Variants in RP9 observed in about 807,000 individuals in gnomAD.
RP9 encodes the protein RP9 pre-mRNA splicing factor.
A neutral mutation model predicts 32.6 loss-of-function variants in RP9; 23 were observed. The observed-to-expected ratio is 0.71, with a 90% confidence interval of 0.51 to 1.00. The LOEUF is 1.00. Ranked by LOEUF, RP9 falls within the 50% of genes least tolerant of loss-of-function variation. The probability of loss-of-function intolerance (pLI) is 0.00; values close to 1 mark genes in which losing one functional copy is unlikely to be tolerated. For synonymous variants in RP9, 94 were observed against 103.6 expected (o/e 0.91, Z 0.56); for missense variants, 245 against 285.3 (o/e 0.86, Z 1.02).
At chr7:33,100,814 A>T in intron 1 of RP9, 1 of 642,274 alleles carries the variant, frequency 1.6e-6, no homozygotes, top group Non-Finnish European at 2.9e-6. Context: ...GAGGAGACCC[A>T]GAATGCTGAG....
chr7:33,106,265 T>G (rs1319109390), intron 1 of RP9, among the ~76,000 whole-genome samples: 3 of 151,984 alleles, frequency 2.0e-5, no homozygotes, highest in East Asian at 3.9e-4. Context: ...CCTCCCAGGC[T>G]CAAGCAGATC....
intron 1 of RP9, among the ~76,000 whole-genome samples, chr7:33,104,337 A>G (rs1317590315): frequency 6.6e-6 from 1 of 152,158 alleles, no homozygotes; most frequent in Non-Finnish European, 1.5e-5. Flanking sequence ...TGAGCATCAG[A>G]AAAAATAACT....
At chr7:33,107,619 GA>G (rs1379799640) in intron 1 of RP9, among the ~76,000 whole-genome samples, 1 of 152,166 alleles carries the variant, frequency 6.6e-6, no homozygotes, top group Non-Finnish European at 1.5e-5. Flanking sequence ...CTGCTAAGGG[GA>G]AAAGTCGTTC....
rs745693022 is a variant in RP9, at chr7:33,100,563, T to C, written c.153-2A>G. Reference sequence around the variant, plus strand: ...AGCCCAGGAGGAGGTTTTTCGTAACTGGAAAACAAAAAACAAAACCTTATC... The same window carrying C: ...AGCCCAGGAGGAGGTTTTTCGTAACCGGAAAACAAAAAACAAAACCTTATC... On this transcript the variant is annotated splice_acceptor_variant, in intron 1 of 5. Coordinates refer to ENST00000297157, the MANE Select transcript of RP9 (RefSeq NM_203288.2). LOFTEE classifies it high-confidence loss of function. The C allele has an allele frequency of 6.2e-7, 1 of 1,613,148 alleles. No homozygotes were observed. Among genetic ancestry groups the C allele is most frequent in the Non-Finnish European group, 8.5e-7 (1 of 1,179,114 alleles).
intron 1 of RP9, among the ~76,000 whole-genome samples, chr7:33,104,765 G>C (rs950095890): frequency 2.0e-5 from 3 of 152,100 alleles, no homozygotes; most frequent in African/African-American, 7.2e-5. Context: ...ATTTTTTGTA[G>C]AGACAGGGTC....
At chr7:33,099,146 G>C in intron 3 of RP9, 161 bp downstream of exon 3, 1 of 798,830 alleles carries the variant, frequency 1.3e-6, no homozygotes. Context: ...ACATGGCACG[G>C]TGGTGGGGGG....
chr7:33,105,861 C>T (rs1197376070), intron 1 of RP9, among the ~76,000 whole-genome samples: 3 of 152,184 alleles, frequency 2.0e-5, no homozygotes, highest in Non-Finnish European at 4.4e-5. Flanking sequence ...CCTTTGTCAA[C>T]GTTCCCATGT....
chr7:33,100,482 C>G, intron 2 of RP9, 49 bp downstream of exon 2: 1 of 1,467,744 alleles, frequency 6.8e-7, no homozygotes, highest in Non-Finnish European at 9.6e-7. Context: ...GTTACTGAGT[C>G]TACAAGTATG....
At chr7:33,106,953 AAAC>A (rs1258489907) in intron 1 of RP9, among the ~76,000 whole-genome samples, 1 of 152,106 alleles carries the variant, frequency 6.6e-6, no homozygotes, top group Non-Finnish European at 1.5e-5. Flanking sequence ...CAAAAAAAAA[AAAC>A]AAAAACCAAA....
Position 33,099,530 on chromosome 7 carries a change from C to A in RP9, c.184-94G>T, listed in dbSNP as rs1365669240. 7.2e-6 allele frequency: 10 copies of A among 1,396,958 alleles called. No homozygotes were observed. In the Middle Eastern group the frequency reaches 5.3e-4, roughly 74 times the overall value. The allele number at this position is 1,396,958 out of a possible 1,614,324, so 86.5% of individuals were successfully genotyped here. Reference sequence around the variant, plus strand: ...CACCCTTGCCTGGCTTTTTCCTGGGCTTCCGGTGCCAACATCATCTTAGTT... The same window carrying A: ...CACCCTTGCCTGGCTTTTTCCTGGGATTCCGGTGCCAACATCATCTTAGTT... On this transcript the variant is annotated intron_variant, in intron 2 of 5. Coordinates refer to ENST00000297157, the MANE Select transcript of RP9 (RefSeq NM_203288.2).
At chr7:33,099,838 G>A (rs1353098052) in intron 2 of RP9, among the ~76,000 whole-genome samples, 1 of 152,068 alleles carries the variant, frequency 6.6e-6, no homozygotes, top group African/African-American at 2.4e-5. Flanking sequence ...ATTATACCCT[G>A]AAGGCCCTGT....
intron 2 of RP9, chr7:33,100,303 G>T: frequency 5.1e-6 from 3 of 593,354 alleles, no homozygotes; most frequent in Non-Finnish European, 9.1e-6. Context: ...AGGAATCCAC[G>T]TGGGCCTGCA....
Position 33,109,223 on chromosome 7 carries a change from G to T in RP9, c.150C>A (p.Ser50=). 2 of 1,497,652 alleles carry T rather than the reference G, an allele frequency of 1.3e-6. No homozygotes were observed. The highest frequency in any genetic ancestry group is 1.8e-6 in the Non-Finnish European group (2 of 1,125,718). The allele number at this position is 1,497,652 out of a possible 1,614,324, so 92.8% of individuals were successfully genotyped here. ...GCGGACGGCAGCTCGGGACTCACAA[G>T]GACTCCAGGTGCTTGAGCTGCTGCA... The part of the protein sequence containing the change: ...QQLQQLKHLE[S]FYEKPPPGLI... Residue 50 remains serine, a splice_region_variant and synonymous_variant, in exon 1 of 6, where the codon TCC becomes TCA. Coordinates refer to ENST00000297157, the MANE Select transcript of RP9 (RefSeq NM_203288.2). This position sits in a 1 kb window ranked among gnomAD's most constrained non-coding sequence, Gnocchi z 4.9.
chr7:33,107,585 GGTCTCTATCCT>G (rs748320418), intron 1 of RP9, among the ~76,000 whole-genome samples: 6 of 152,086 alleles, frequency 3.9e-5, no homozygotes, highest in Non-Finnish European at 8.8e-5. Flanking sequence ...CACAATGCAG[GGTCTCTATCCT>G]GCATCCCCTG....
chr7:33,096,894 A>G (rs1395759429), intron 4 of RP9, among the ~76,000 whole-genome samples: 1 of 152,196 alleles, frequency 6.6e-6, no homozygotes, highest in African/African-American at 2.4e-5. Flanking sequence ...GGACACTTTA[A>G]TCTTACAGTT....
chr7:33,096,643 TA>T (rs1322231317), intron 4 of RP9, 89 bp from the exon 5 acceptor site: 9 of 943,646 alleles, frequency 9.5e-6, no homozygotes, highest in African/African-American at 3.2e-5. Flanking sequence ...AAAACCAGTT[TA>T]TTTTTTTTTT....
At chr7:33,096,817 A>G (rs551711536) in intron 4 of RP9, among the ~76,000 whole-genome samples, 3 of 139,662 alleles carry the variant, frequency 2.1e-5, no homozygotes, top group East Asian at 2.2e-4. Flanking sequence ...TCACAGAGCT[A>G]TAACACTGCC....
intron 1 of RP9, among the ~76,000 whole-genome samples, chr7:33,106,241 T>G (rs1788496385): frequency 6.6e-6 from 1 of 152,068 alleles, no homozygotes; most frequent in Non-Finnish European, 1.5e-5. Context: ...AGCCATGGCT[T>G]ACTGCAGCCT....
At position 33,109,365 on chromosome 7, in the gene RP9, G is replaced by A. The variant is rs1788550493; in HGVS notation, c.8C>T (p.Ser3Phe). 2 of 1,413,812 alleles carry A rather than the reference G, an allele frequency of 1.4e-6. No individual in the cohort carries two copies. Among genetic ancestry groups the A allele is most frequent in the South Asian group, 1.4e-5 (1 of 72,788 alleles). The allele number at this position is 1,413,812 out of a possible 1,614,324, so 87.6% of individuals were successfully genotyped here. A position where few individuals can be genotyped will look rare whatever the true frequency, so the allele number is the denominator to read the frequency against. MS[S>F]RPGREDVGAA... ...CCCCACGTCCTCGCGCCCAGGCCGG[G>A]ACGACATGTCAGCCCCCGCAGCGCC... The change falls in exon 1 of 6, where the codon TCC (serine) becomes TTC (phenylalanine). Residue 3 changes from serine to phenylalanine, a missense_variant. Physicochemically the swap from Ser to Phe is radical, Grantham distance 155 (BLOSUM62 -2). Around this residue, in one of 2 missense-constraint regions of RP9, gnomAD observed 182 missense variants for 175.5 expected, o/e 1.04. Transcript: ENST00000297157. This position sits in a 1 kb window ranked among gnomAD's most constrained non-coding sequence, Gnocchi z 4.9.
Sources: gnomAD v4.1 joint callset for allele counts (sites outside exome capture counted in the v4.1 genomes callset) on GRCh38, gnomAD v4.1.1 for gene constraint, gnomAD v4.1.1 regional missense constraint, Gnocchi (gnomAD v3.1) non-coding constraint, MANE v1.5 for transcripts, NCBI Gene and HGNC (gene_info 2026-07-23, HGNC 2026-07-21) for gene names.